Variants in CASS4 observed in about 807,000 individuals in gnomAD.
CASS4 encodes cas scaffolding protein family member 4.
CASS4 carries 22 observed loss-of-function variants against 54.2 expected under a neutral mutation model. That is an observed-to-expected ratio of 0.41 (90% CI 0.29 to 0.58). CASS4 has a LOEUF of 0.58. Among genes scored for constraint, CASS4 ranks in the 20% least tolerant of loss-of-function variants. The pLI, the probability that CASS4 is intolerant of heterozygous loss-of-function variation, is 0.36. For missense variants in CASS4, 854 were observed against 986.7 expected, an observed-to-expected ratio of 0.87 and a Z score of 1.80; for synonymous variants, 409 against 391.5, an observed-to-expected ratio of 1.04 and a Z score of -0.53.
At chr20:56,450,211 A>T (rs796779135) in intron 3 of CASS4, among the ~76,000 whole-genome samples, 16 of 151,958 alleles carry the variant, frequency 1.1e-4, no homozygotes, top group African/African-American at 3.6e-4. Flanking sequence ...TTGTATTTTT[A>T]ATAGAGTTCT....
In CASS4 at chr20:56,437,560, G is replaced by C. The variant is rs775937409; in HGVS notation, c.433G>C (p.Glu145Gln). The C allele has an allele frequency of 1.3e-6, 2 of 1,548,404 alleles. No individual in the cohort carries two copies. The highest frequency in any genetic ancestry group is 1.7e-6 in the Non-Finnish European group (2 of 1,148,532). The change falls in exon 2 of 6, where the codon GAA becomes CAA. Residue 145 changes from glutamate to glutamine, a missense_variant. Transcript: ENST00000679887. The surrounding 1 kb of genome is among the most constrained non-coding windows in gnomAD (Gnocchi z 4.7). Reference sequence around the variant, plus strand: ...TCCCACCAGTGCCAGAATCATCTGTGAAAAGACTCTCAGCTTTCCAAAACA... The same window carrying C: ...TCCCACCAGTGCCAGAATCATCTGTCAAAAGACTCTCAGCTTTCCAAAACA... ...DPPTSARIIC[E>Q]KTLSFPKQAI...
intron 5 of CASS4, among the ~76,000 whole-genome samples, chr20:56,455,872 G>A (rs1448918576): frequency 3.3e-5 from 5 of 151,998 alleles, no homozygotes; most frequent in Non-Finnish European, 7.4e-5. Flanking sequence ...CAGAGGTTGC[G>A]GTGAGCTGAG....
chr20:56,436,499 T>A (rs1014690065), intron 1 of CASS4, among the ~76,000 whole-genome samples: 4 of 151,640 alleles, frequency 2.6e-5, no homozygotes, highest in Non-Finnish European at 5.9e-5. Context: ...AATAACCCCA[T>A]GAGGTAGGTA....
At chr20:56,442,565 A>G (rs1266446599) in intron 2 of CASS4, among the ~76,000 whole-genome samples, 14 of 151,782 alleles carry the variant, frequency 9.2e-5, no homozygotes, top group Non-Finnish European at 1.9e-4. Context: ...AGAAGCCTCC[A>G]GTGCCTTCTC....
At chr20:56,443,810 C>T (rs1471747356) in intron 2 of CASS4, among the ~76,000 whole-genome samples, 1 of 152,162 alleles carries the variant, frequency 6.6e-6, no homozygotes, top group African/African-American at 2.4e-5. Context: ...CCCGGAAACC[C>T]CTTGTCTGAA....
chr20:56,445,908 C>T lies in CASS4; in HGVS notation c.468C>T (p.Leu156=), dbSNP rs1481096511. 5.0e-6 allele frequency: 8 copies of T among 1,613,408 alleles called. No individual in the cohort carries two copies. Among genetic ancestry groups the T allele is most frequent in the Non-Finnish European group, 6.8e-6 (8 of 1,179,466 alleles). ...CCTCCTTTCTCTCCAAGGCCATCCT[C>T]ACGCTTCCCAGACCTGTCCGGGCCT... ...KTLSFPKQAI[L]TLPRPVRASL... is the part of the protein sequence containing the mutation. Residue 156 remains leucine, a synonymous_variant, in exon 3 of 6, where the codon CTC becomes CTT. Transcript: ENST00000679887.
At chr20:56,449,435 A>G (rs1489773334) in intron 3 of CASS4, among the ~76,000 whole-genome samples, 2 of 152,050 alleles carry the variant, frequency 1.3e-5, no homozygotes, top group Admixed American at 1.3e-4. Flanking sequence ...CAGGGTGGGG[A>G]ACATCACACA....
In CASS4 at chr20:56,458,513, C is replaced by A. The variant is rs372142142; in HGVS notation, c.2127C>A (p.Val709=). 6.2e-7 allele frequency: 1 copy of A among 1,614,040 alleles called. No individual in the cohort carries two copies. Among genetic ancestry groups the A allele is most frequent in the African/African-American group, 1.3e-5 (1 of 74,902 alleles). The change falls in exon 6 of 6, where the codon GTC becomes GTA. Residue 709 remains valine, a synonymous_variant. Coordinates refer to ENST00000679887, the MANE Select transcript of CASS4 (RefSeq NM_020356.4). ...PAEIITQSKL[V]IMVGQKLVDT... ...AGATCATCACTCAGAGCAAGCTGGT[C>A]ATCATGGTGGGACAGAAGCTGGTGG...
chr20:56,444,919 C>A (rs537905542), intron 2 of CASS4, among the ~76,000 whole-genome samples: 1 of 152,064 alleles, frequency 6.6e-6, no homozygotes, highest in Admixed American at 6.6e-5. Flanking sequence ...AAGACCAGCC[C>A]GACCAATATG....
rs2146259743 is a variant in CASS4, at chr20:56,414,970, T to G, written c.36+2476T>G. ...TTCTCACTATTACATCCTCACAACA[T>G]CCTCATGAAGCAGAGGTATTATTCC... On this transcript the variant is annotated intron_variant, in intron 1 of 5. Transcript: ENST00000679887. This position sits in a 1 kb window ranked among gnomAD's most constrained non-coding sequence, Gnocchi z 4.1. Among the ~76,000 whole-genome samples the G allele has an allele frequency of 6.6e-6, 1 of 152,160 alleles. No individual in the cohort carries two copies. The highest frequency in any genetic ancestry group is 1.5e-5 in the Non-Finnish European group (1 of 68,012).
At chr20:56,450,742 A>T in intron 4 of CASS4, 63 bp downstream of exon 4, 1 of 1,522,264 alleles carries the variant, frequency 6.6e-7, no homozygotes, top group Non-Finnish European at 9.1e-7. Context: ...CAGAAATGTT[A>T]TTAGCTTGGG....
At chr20:56,444,940 GTC>G (rs1319252490) in intron 2 of CASS4, among the ~76,000 whole-genome samples, 1 of 152,112 alleles carries the variant, frequency 6.6e-6, no homozygotes, top group East Asian at 1.9e-4. Flanking sequence ...GTGAAACCCT[GTC>G]TCTACTGAAA....
intron 1 of CASS4, among the ~76,000 whole-genome samples, chr20:56,418,678 T>G (rs555646431): frequency 2.6e-5 from 4 of 152,322 alleles, no homozygotes; most frequent in African/African-American, 9.6e-5. Context: ...ACTTTTGATG[T>G]TTGAGACCGC....
At chr20:56,451,674 T>C in intron 4 of CASS4, 145 bp from the exon 5 acceptor site, 2 of 650,258 alleles carry the variant, frequency 3.1e-6, no homozygotes, top group Admixed American at 3.0e-5. Flanking sequence ...GAAATGAGGC[T>C]CAAAAGAATC....
chr20:56,448,756 T>C (rs913802899), intron 3 of CASS4, among the ~76,000 whole-genome samples: 33 of 152,330 alleles, frequency 2.2e-4, no homozygotes, highest in African/African-American at 7.7e-4. Context: ...TATATGTTTT[T>C]TAATTACTGT....
intron 2 of CASS4, among the ~76,000 whole-genome samples, chr20:56,438,047 T>TG (rs1188927120): frequency 3.9e-5 from 6 of 152,098 alleles, no homozygotes; most frequent in African/African-American, 1.4e-4. Context: ...CCCAGTACTC[T>TG]GGGGGGACGA....
At position 56,412,760 on chromosome 20, in the gene CASS4, G is replaced by A. The variant is rs150631072; in HGVS notation, c.36+266G>A. Among the ~76,000 whole-genome samples, 110 of 152,212 alleles carry A rather than the reference G, an allele frequency of 7.2e-4. 1 individual carries two copies. In the Middle Eastern group the frequency reaches 0.014, roughly 19 times the overall value. Reference sequence around the variant, plus strand: ...TTGACAGCGCCGTCCATCATTTTGCGTCCAGCAAACTCCTGAAGCAAGATG... The same window carrying A: ...TTGACAGCGCCGTCCATCATTTTGCATCCAGCAAACTCCTGAAGCAAGATG... On this transcript the variant is annotated intron_variant, in intron 1 of 5. Transcript: ENST00000679887. This position sits in a 1 kb window ranked among gnomAD's most constrained non-coding sequence, Gnocchi z 4.2.
chr20:56,424,274 C>T (rs1327321417), intron 1 of CASS4, among the ~76,000 whole-genome samples: 1 of 152,186 alleles, frequency 6.6e-6, no homozygotes, highest in Admixed American at 6.5e-5. Context: ...TTAGGCATGA[C>T]AAATTAAAGA....
rs1981081552 is a variant in CASS4 at position 56,452,555 on chromosome 20, T to C, written c.1379T>C (p.Leu460Pro). The C allele has an allele frequency of 6.2e-7, 1 of 1,614,166 alleles. No homozygotes were observed. Among genetic ancestry groups the C allele is most frequent in the African/African-American group, 1.3e-5 (1 of 75,044 alleles). Residue 460 changes from leucine (L) to proline (P), a missense_variant, in exon 5 of 6, where the codon CTC (leucine) becomes CCC (proline). Leu to Pro is a moderately conservative substitution (Grantham distance 98, BLOSUM62 -3). Coordinates refer to ENST00000679887, the MANE Select transcript of CASS4 (RefSeq NM_020356.4). ...GTCAGCTCTGTCGCTGGCCTGATGC[T>C]CTTTGTCAGCAGGAAGTGGAGATTC... The part of the protein sequence containing the change: ...KVVSSVAGLM[L>P]FVSRKWRFRD...
Sources: allele counts gnomAD v4.1 joint callset (sites outside exome capture counted in the v4.1 genomes callset), GRCh38; gene constraint gnomAD v4.1.1; non-coding constraint Gnocchi (gnomAD v3.1); transcripts MANE v1.5; gene names NCBI Gene and HGNC (gene_info 2026-07-23, HGNC 2026-07-21).